Variants in TNRC6C observed in about 807,000 individuals in gnomAD.
TNRC6C encodes trinucleotide repeat-containing gene 6C protein.
In TNRC6C, 20 loss-of-function variants were observed where a neutral mutation model predicts 153.7. That is an observed-to-expected ratio of 0.13 (90% CI 0.09 to 0.19). TNRC6C has a LOEUF of 0.19. Ranked by LOEUF, TNRC6C falls within the 10% of genes least tolerant of loss-of-function variation. The pLI, the probability that TNRC6C is intolerant of heterozygous loss-of-function variation, is 1.00. For synonymous variants in TNRC6C, 811 were observed against 841.4 expected (o/e 0.96, Z 0.63); for missense variants, 1,987 against 2,172.0 (o/e 0.91, Z 1.69).
intron 1 of TNRC6C, among the ~76,000 whole-genome samples, chr17:78,009,733 T>C (rs1349665378): frequency 6.6e-6 from 1 of 152,116 alleles, no homozygotes; most frequent in Non-Finnish European, 1.5e-5. Context: ...TTTTGTATTT[T>C]TCATAGAGAC....
intron 1 of TNRC6C, among the ~76,000 whole-genome samples, chr17:77,982,683 C>T (rs1157102592): frequency 6.6e-6 from 1 of 151,944 alleles, no homozygotes; most frequent in Admixed American, 6.6e-5. Context: ...AATAAAAAAT[C>T]AGCTGGGTGT....
intron 11 of TNRC6C, among the ~76,000 whole-genome samples, chr17:78,085,981 C>T (rs954518245): frequency 6.6e-6 from 1 of 151,808 alleles, no homozygotes. Context: ...TAGTTCTGCG[C>T]ACTAAAAAAG....
chr17:77,989,865 C>G (rs185862359), intron 1 of TNRC6C, among the ~76,000 whole-genome samples: 66 of 152,240 alleles, frequency 4.3e-4, no homozygotes, highest in African/African-American at 1.5e-3. Flanking sequence ...TCTCAAACTC[C>G]CTTCCTACCT....
chr17:77,992,455 G>A lies in TNRC6C; in HGVS notation c.-37-11715G>A, dbSNP rs2071265757. Among the ~76,000 whole-genome samples the A allele has an allele frequency of 1.6e-5, 2 of 124,604 alleles. 1 individual carries two copies. Among genetic ancestry groups the A allele is most frequent in the South Asian group, 5.7e-4 (2 of 3,502 alleles). The allele number at this position is 124,604 out of a possible 152,430, so 81.7% of individuals were successfully genotyped here. On this transcript the variant is annotated intron_variant, in intron 1 of 22. Coordinates refer to the TNRC6C transcript ENST00000636222. Reference sequence around the variant, plus strand: ...GGAGCTTGCAGTGAGTCGAGATCGCGCCACTGCACTCCAGCCTGGGCGACA... The same window carrying A: ...GGAGCTTGCAGTGAGTCGAGATCGCACCACTGCACTCCAGCCTGGGCGACA...
At chr17:78,086,098 G>A (rs2073277065) in intron 11 of TNRC6C, among the ~76,000 whole-genome samples, 1 of 151,968 alleles carries the variant, frequency 6.6e-6, no homozygotes, top group Non-Finnish European at 1.5e-5. Flanking sequence ...TTGGGAGGCT[G>A]AGGCAGGCAG....
At position 77,968,403 on chromosome 17, in the gene TNRC6C, G is replaced by A. The variant is rs564592222; in HGVS notation, c.-38+9135G>A. On this transcript the variant is annotated intron_variant, in intron 1 of 22. Coordinates refer to the TNRC6C transcript ENST00000636222. ...GTCGCCCAGACTAGAGTGCGGTAGC[G>A]TGATGTCAGCTCACTGCAACCTCCG... 2.4e-4 allele frequency among the ~76,000 whole-genome samples: 37 copies of A among 151,350 alleles called. 1 individual carries two copies. In the South Asian group the frequency reaches 6.3e-3, roughly 26 times the overall value.
At chr17:78,108,793 T>TAAG (rs903065997) in exon 20 of TNRC6C, 29 of 152,416 alleles carry the variant, frequency 1.9e-4, no homozygotes, top group African/African-American at 7.0e-4. Flanking sequence ...TATATTTTTT[T>TAAG]AAGTTTATTA....
intron 1 of TNRC6C, among the ~76,000 whole-genome samples, chr17:78,022,325 G>A (rs529334570): frequency 6.6e-6 from 1 of 152,256 alleles, no homozygotes. Flanking sequence ...GTAGCACACA[G>A]GAAACCATAT....
chr17:77,966,659 A>G (rs1225539178), intron 1 of TNRC6C, among the ~76,000 whole-genome samples: 1 of 152,216 alleles, frequency 6.6e-6, no homozygotes, highest in Non-Finnish European at 1.5e-5. Flanking sequence ...AGTTTATTGT[A>G]TGAGGTTGTG....
chr17:78,055,395 G>A (rs1268684772), intron 3 of TNRC6C, among the ~76,000 whole-genome samples: 1 of 152,168 alleles, frequency 6.6e-6, no homozygotes, highest in African/African-American at 2.4e-5. Flanking sequence ...TCTTGTATCA[G>A]CATCATCAGT....
intron 16 of TNRC6C, among the ~76,000 whole-genome samples, chr17:78,095,682 A>G (rs562540038): frequency 1.3e-5 from 2 of 152,274 alleles, no homozygotes; most frequent in East Asian, 3.9e-4. Flanking sequence ...TTAGGGATAC[A>G]TTAGGGTTTG....
At chr17:78,037,657 G>A (rs999930256) in intron 2 of TNRC6C, among the ~76,000 whole-genome samples, 2 of 152,168 alleles carry the variant, frequency 1.3e-5, no homozygotes, top group East Asian at 1.9e-4. Flanking sequence ...TCATTGTGGC[G>A]GGGGGCAGTG....
chr17:78,102,256 G>C (rs1036800072), intron 17 of TNRC6C, among the ~76,000 whole-genome samples: 2 of 152,178 alleles, frequency 1.3e-5, no homozygotes, highest in African/African-American at 4.8e-5. Flanking sequence ...GATCCAAAAA[G>C]TCAGAGTCAC....
At chr17:78,035,802 A>G (rs2072166923) in intron 2 of TNRC6C, among the ~76,000 whole-genome samples, 3 of 152,220 alleles carry the variant, frequency 2.0e-5, no homozygotes, top group Admixed American at 6.5e-5. Flanking sequence ...GTGAAATTCT[A>G]TTGGTGTATT....
rs2073150614 is a variant in TNRC6C, at chr17:78,079,971, T to C, written c.3357+430T>C. Reference sequence around the variant, plus strand: ...TTGCTGAGGATGTAAAAGAAACCCTTAGAAGCAGCCAAGGACTGAATCATG... The same window carrying C: ...TTGCTGAGGATGTAAAAGAAACCCTCAGAAGCAGCCAAGGACTGAATCATG... On this transcript the variant is annotated intron_variant, in intron 10 of 19. Transcript: ENST00000301624. The surrounding 1 kb of genome is among the most constrained non-coding windows in gnomAD (Gnocchi z 4.3). Among the ~76,000 whole-genome samples, 1 of 152,170 alleles carries C rather than the reference T, an allele frequency of 6.6e-6. No homozygotes were observed. The highest frequency in any genetic ancestry group is 6.6e-5 in the Admixed American group (1 of 15,266).
rs183883077 is a variant in TNRC6C at position 78,050,020 on chromosome 17, G to A, written c.958G>A (p.Val320Ile). The change falls in exon 3 of 20, where the codon GTT becomes ATT. Residue 320 changes from valine (V) to isoleucine (I), a missense_variant. Transcript: ENST00000301624. The stretch of plus-strand genomic sequence containing the variant: ...GGGAAGGGGCAGTGGCAACAATGGC[G>A]TTGGTAATATCCATTCAGGAGCTTG... 509 of 1,613,468 alleles carry A rather than the reference G, an allele frequency of 3.2e-4. No individual in the cohort carries two copies. Among genetic ancestry groups the A allele is most frequent in the African/African-American group, 7.6e-4 (57 of 75,074 alleles).
At chr17:77,979,714 A>C (rs1487705663) in intron 1 of TNRC6C, among the ~76,000 whole-genome samples, 1 of 152,204 alleles carries the variant, frequency 6.6e-6, no homozygotes, top group Admixed American at 6.5e-5. Context: ...AGACTTGCAT[A>C]TTTGAGAATC....
intron 2 of TNRC6C, among the ~76,000 whole-genome samples, chr17:78,044,569 C>T (rs145674041): frequency 3.9e-5 from 6 of 152,342 alleles, no homozygotes; most frequent in African/African-American, 1.2e-4. Flanking sequence ...GCTGTGTCCC[C>T]AGCACAGTAG....
At chr17:78,039,309 G>GCCCCCCCC (rs11306576) in intron 2 of TNRC6C, among the ~76,000 whole-genome samples, 4 of 113,462 alleles carry the variant, frequency 3.5e-5, no homozygotes, top group African/African-American at 1.4e-4. Context: ...TTCAAATCTT[G>GCCCCCCCC]CCCCCCCCCC....
Sources: gnomAD v4.1 joint callset for allele counts (sites outside exome capture counted in the v4.1 genomes callset) on GRCh38, gnomAD v4.1.1 for gene constraint, Gnocchi (gnomAD v3.1) non-coding constraint, MANE v1.5 for transcripts, NCBI Gene and HGNC (gene_info 2026-07-23, HGNC 2026-07-21) for gene names.